TIAM1: variants seen among roughly 807,000 people sequenced by gnomAD.
TIAM1 encodes the protein rho guanine nucleotide exchange factor TIAM1.
Under a neutral mutation model 163.5 loss-of-function variants are expected in TIAM1, and 65 were observed. That is an observed-to-expected ratio of 0.40 (90% CI 0.33 to 0.49). TIAM1 has a LOEUF of 0.49. Among genes scored for constraint, TIAM1 ranks in the 20% least tolerant of loss-of-function variants. TIAM1 has a pLI of 0.77. For missense variants in TIAM1, 1,789 were observed against 2,044.7 expected (o/e 0.87, Z 2.41); for synonymous variants, 833 against 810.1 (o/e 1.03, Z -0.48).
At chr21:31,165,465 T>C (rs941802721) in intron 15 of TIAM1, among the ~76,000 whole-genome samples, 1 of 151,888 alleles carries the variant, frequency 6.6e-6, no homozygotes, top group Admixed American at 6.6e-5. Flanking sequence ...GAAACCAGAG[T>C]TCGTTTTCTC....
rs1422277532 is a variant in TIAM1 at position 31,417,700 on chromosome 21, C to T, written c.-369+46283G>A. Among the ~76,000 whole-genome samples the T allele has an allele frequency of 2.6e-5, 4 of 152,174 alleles. No individual in the cohort carries two copies. The East Asian group carries it at 5.8e-4, about 22-fold the overall frequency. On this transcript the variant is annotated intron_variant, in intron 2 of 28. Transcript: ENST00000286827. The stretch of plus-strand genomic sequence containing the variant: ...TCAGGGACAGAAGAGAACAGATGTA[C>T]ACCTGCAGGTCAATTCCTGCCACAC...
At chr21:31,310,824 G>A (rs959614761) in intron 2 of TIAM1, among the ~76,000 whole-genome samples, 4 of 152,184 alleles carry the variant, frequency 2.6e-5, no homozygotes, top group Non-Finnish European at 5.9e-5. Context: ...GAGAGAAGAA[G>A]GATGGCACTA....
intron 2 of TIAM1, among the ~76,000 whole-genome samples, chr21:31,333,573 G>A (rs1176657285): frequency 6.6e-6 from 1 of 152,108 alleles, no homozygotes; most frequent in African/African-American, 2.4e-5. Flanking sequence ...GCGTAGCTGG[G>A]ACCACAGACA....
intron 2 of TIAM1, among the ~76,000 whole-genome samples, chr21:31,381,696 G>A (rs976693063): frequency 2.6e-5 from 4 of 152,036 alleles, no homozygotes; most frequent in Non-Finnish European, 5.9e-5. Context: ...GCCAGACATG[G>A]TGGTGTACAC....
chr21:31,384,264 T>C (rs745505676), intron 2 of TIAM1, among the ~76,000 whole-genome samples: 3 of 149,774 alleles, frequency 2.0e-5, no homozygotes, highest in South Asian at 4.2e-4. Context: ...CATCATCAAA[T>C]GAAAAAAAAA....
chr21:31,417,947 G>C (rs2043430205), intron 2 of TIAM1, among the ~76,000 whole-genome samples: 1 of 152,130 alleles, frequency 6.6e-6, no homozygotes, highest in African/African-American at 2.4e-5. Flanking sequence ...ATTGAAGATG[G>C]GAAGGGGCAG....
chr21:31,161,210 C>T (rs1568944265), intron 16 of TIAM1, among the ~76,000 whole-genome samples: 2 of 152,142 alleles, frequency 1.3e-5, no homozygotes, highest in Admixed American at 6.5e-5. Context: ...TATTCTAATA[C>T]ATTTGCTAAA....
intron 1 of TIAM1, among the ~76,000 whole-genome samples, chr21:31,557,886 G>T (rs374680965): frequency 6.6e-6 from 1 of 152,150 alleles, no homozygotes; most frequent in Non-Finnish European, 1.5e-5. Flanking sequence ...CGCCAGCCTG[G>T]ACCCCAGGCT....
At chr21:31,352,806 C>T (rs555211683) in intron 2 of TIAM1, among the ~76,000 whole-genome samples, 31 of 150,952 alleles carry the variant, frequency 2.1e-4, no homozygotes, top group African/African-American at 6.3e-4. Flanking sequence ...ACCTGGGAGG[C>T]GAAGGTTGCA....
chr21:31,192,989 G>A (rs1750219605), intron 13 of TIAM1, among the ~76,000 whole-genome samples: 1 of 152,120 alleles, frequency 6.6e-6, no homozygotes, highest in African/African-American at 2.4e-5. Context: ...GTGGCTGTCT[G>A]TTACCTCAGC....
chr21:31,264,045 C>A (rs1468096316), intron 4 of TIAM1, among the ~76,000 whole-genome samples: 1 of 152,194 alleles, frequency 6.6e-6, no homozygotes, highest in Non-Finnish European at 1.5e-5. Context: ...TCAGGGAGTG[C>A]ATCTGGAGGC....
At chr21:31,474,351 T>C (rs2045860734) in intron 1 of TIAM1, among the ~76,000 whole-genome samples, 1 of 152,180 alleles carries the variant, frequency 6.6e-6, no homozygotes, top group Admixed American at 6.5e-5. Context: ...TCAGGACACC[T>C]GGATTCAAAT....
intron 16 of TIAM1, among the ~76,000 whole-genome samples, chr21:31,158,972 C>T (rs1006572470): frequency 3.3e-5 from 5 of 152,076 alleles, no homozygotes; most frequent in Non-Finnish European, 7.3e-5. Flanking sequence ...CAAGAAAGGT[C>T]GCCTCAATGG....
chr21:31,295,996 G>A lies in TIAM1; in HGVS notation c.-188-19088C>T, dbSNP rs560980329. Among the ~76,000 whole-genome samples, 51 of 152,084 alleles carry A rather than the reference G, an allele frequency of 3.4e-4. No individual in the cohort carries two copies. In the South Asian group the frequency reaches 5.0e-3, roughly 15 times the overall value. On this transcript the variant is annotated intron_variant, in intron 2 of 27. Transcript: ENST00000541036. ...GTATGTTTACTAGAGACGGGTTTTCGCCATGTTGGGCAGACTGGTCTCGAA... is the reference window on the plus strand; with the variant it reads ...GTATGTTTACTAGAGACGGGTTTTCACCATGTTGGGCAGACTGGTCTCGAA...
intron 2 of TIAM1, among the ~76,000 whole-genome samples, chr21:31,307,554 G>A (rs867546623): frequency 6.6e-6 from 1 of 152,342 alleles, no homozygotes. Flanking sequence ...GGAGAACTCT[G>A]TGGCAGTATC....
At chr21:31,134,339 A>G (rs1314166072) in intron 23 of TIAM1, among the ~76,000 whole-genome samples, 1 of 152,118 alleles carries the variant, frequency 6.6e-6, no homozygotes, top group Non-Finnish European at 1.5e-5. Flanking sequence ...GACTCCTCCA[A>G]GAAGAAATCA....
intron 2 of TIAM1, among the ~76,000 whole-genome samples, chr21:31,307,750 G>A (rs527939541): frequency 1.5e-4 from 23 of 152,256 alleles, no homozygotes; most frequent in African/African-American, 5.5e-4. Context: ...GAGGGGTAAG[G>A]GGAGAGGGGC....
chr21:31,498,501 T>C (rs1313714201), intron 1 of TIAM1, among the ~76,000 whole-genome samples: 1 of 152,190 alleles, frequency 6.6e-6, no homozygotes, highest in African/African-American at 2.4e-5. Flanking sequence ...AGATCCCGGC[T>C]CCATGACCCA....
rs542989808 is a variant in TIAM1, at chr21:31,475,300, C to A, written c.-421-11265G>T. 7.2e-5 allele frequency among the ~76,000 whole-genome samples: 11 copies of A among 152,042 alleles called. No homozygotes were observed. The East Asian group carries it at 1.9e-3, about 27-fold the overall frequency. ...AACTCCTGGGCTCAAGTGATCCACC[C>A]TCCTCAGCCTCCCAAAGTGTTAGGA... is the stretch of plus-strand genomic sequence containing the variant. On this transcript the variant is annotated intron_variant, in intron 1 of 28. Transcript: ENST00000286827.
Sources: allele counts gnomAD v4.1 joint callset (sites outside exome capture counted in the v4.1 genomes callset), GRCh38; gene constraint gnomAD v4.1.1; transcripts MANE v1.5; gene names NCBI Gene and HGNC (gene_info 2026-07-23, HGNC 2026-07-21).